Variants in TOGARAM1 observed in about 807,000 individuals in gnomAD.
TOGARAM1 encodes the protein TOG array regulator of axonemal microtubules 1.
In TOGARAM1, 100 loss-of-function variants were observed where a neutral mutation model predicts 166.6. That is an observed-to-expected ratio of 0.60 (90% CI 0.51 to 0.71). The LOEUF is 0.71. Among genes scored for constraint, TOGARAM1 ranks in the 30% least tolerant of loss-of-function variants. TOGARAM1 has a pLI of 0.00. For synonymous variants in TOGARAM1, 758 were observed against 763.8 expected (o/e 0.99, Z 0.13); for missense variants, 2,029 against 2,102.7 (o/e 0.96, Z 0.69).
intron 1 of TOGARAM1, among the ~76,000 whole-genome samples, chr14:44,985,915 C>T (rs1276661507): frequency 2.0e-5 from 3 of 152,032 alleles, no homozygotes; most frequent in African/African-American, 7.2e-5. Flanking sequence ...CAATTTTAGT[C>T]CAAAATCTTA....
chr14:44,994,641 A>G (rs1887330221), intron 1 of TOGARAM1, among the ~76,000 whole-genome samples: 1 of 152,146 alleles, frequency 6.6e-6, no homozygotes, highest in South Asian at 2.1e-4. Flanking sequence ...CTGATCTTGA[A>G]TTCCTGGGCC....
chr14:45,061,163 G>A (rs778132013), intron 16 of TOGARAM1, among the ~76,000 whole-genome samples: 8 of 151,504 alleles, frequency 5.3e-5, no homozygotes, highest in African/African-American at 9.7e-5. Context: ...ATTTATATTC[G>A]TGAAGACTAA....
chr14:44,986,866 C>T (rs898286197), intron 1 of TOGARAM1, among the ~76,000 whole-genome samples: 15 of 150,828 alleles, frequency 9.9e-5, no homozygotes, highest in Middle Eastern at 3.4e-3. Flanking sequence ...ATTAGCCGGG[C>T]GTGGTGGCGG....
intron 1 of TOGARAM1, among the ~76,000 whole-genome samples, chr14:44,982,554 G>A (rs888468019): frequency 2.0e-5 from 3 of 152,160 alleles, no homozygotes; most frequent in Admixed American, 2.0e-4. Context: ...GAGGTCTGTA[G>A]TTTTTTCAAG....
intron 1 of TOGARAM1, among the ~76,000 whole-genome samples, chr14:44,976,042 C>T (rs111464709): frequency 2.6e-5 from 4 of 152,172 alleles, no homozygotes; most frequent in African/African-American, 9.6e-5. Context: ...CCTAGATCAA[C>T]TATACTGATT....
chr14:45,056,942 T>TTTTA lies in TOGARAM1; in HGVS notation c.4559+2413_4559+2416dup, dbSNP rs146332872. 3.9e-3 allele frequency among the ~76,000 whole-genome samples: 592 copies of TTTTA among 151,856 alleles called. 5 individuals carry two copies. Among genetic ancestry groups the TTTTA allele is most frequent in the Non-Finnish European group, 5.8e-3 (397 of 67,978 alleles). On this transcript the variant is annotated intron_variant, in intron 16 of 19. Transcript: ENST00000361462. ...TCAGGATGATTGGTATAAGTTTTTG[T>TTTTA]TTTATTTATTTATTTATTTATTTGT...
At position 44,999,109 on chromosome 14, in the gene TOGARAM1, C is replaced by T. The variant is rs577702249; in HGVS notation, c.2204-254C>T. ...AGAGAAAGAGTGTAGGAAGAAACTG[C>T]TTTTGCAGATATTCTTCAACATACC... On this transcript the variant is annotated intron_variant, in intron 2 of 19. Transcript: ENST00000361462. Among the ~76,000 whole-genome samples, 16 of 152,112 alleles carry T rather than the reference C, an allele frequency of 1.1e-4. No homozygotes were observed. The South Asian group carries it at 2.7e-3, about 26-fold the overall frequency.
At position 45,032,182 on chromosome 14, in the gene TOGARAM1, A is replaced by T. The variant is rs747581283; in HGVS notation, c.3659-41A>T. On this transcript the variant is annotated intron_variant, in intron 10 of 19. Coordinates refer to ENST00000361462, the MANE Select transcript of TOGARAM1 (RefSeq NM_001308120.2). ...CTCAAAAAGATAAAAATTTTTTTTA[A>T]AAAGGTTCTCTCATAGTTTATTTAA... 1.9e-6 allele frequency: 3 copies of T among 1,565,772 alleles called. No individual in the cohort carries two copies. In the South Asian group the frequency reaches 3.6e-5, roughly 19 times the overall value.
chr14:45,027,802 G>A (rs1397181426), intron 9 of TOGARAM1, among the ~76,000 whole-genome samples: 1 of 151,518 alleles, frequency 6.6e-6, no homozygotes, highest in Non-Finnish European at 1.5e-5. Flanking sequence ...TCGGACGGTC[G>A]GACTTGAGCT....
chr14:45,024,039 C>G (rs1191620231), intron 7 of TOGARAM1, among the ~76,000 whole-genome samples: 1 of 152,232 alleles, frequency 6.6e-6, no homozygotes, highest in Non-Finnish European at 1.5e-5. Context: ...CCATGCCTGG[C>G]CCCATAGCAT....
intron 11 of TOGARAM1, among the ~76,000 whole-genome samples, chr14:45,038,649 G>T (rs1237580174): frequency 1.3e-5 from 2 of 152,234 alleles, no homozygotes; most frequent in African/African-American, 2.4e-5. Flanking sequence ...TGCTTGGGAA[G>T]CTCCTAAGTC....
chr14:44,975,113 C>T (rs756143926), intron 1 of TOGARAM1, among the ~76,000 whole-genome samples: 1 of 152,068 alleles, frequency 6.6e-6, no homozygotes, highest in Non-Finnish European at 1.5e-5. Context: ...AATAATTTTG[C>T]TCCAAATTGC....
intron 7 of TOGARAM1, chr14:45,025,563 CAA>C (rs1413248103): frequency 0.031 from 6,899 of 224,132 alleles, no homozygotes; most frequent in South Asian, 0.049. Flanking sequence ...GACTCCATCT[CAA>C]AAAAAAAAAA....
Position 44,962,920 on chromosome 14 carries a change from G to A in TOGARAM1, c.499G>A (p.Gly167Arg). The A allele has an allele frequency of 6.2e-7, 1 of 1,614,214 alleles. No homozygotes were observed. The highest frequency in any genetic ancestry group is 8.5e-7 in the Non-Finnish European group (1 of 1,180,040). ...QLLSDVLRGQGEAGQLEEAFS... is the reference protein window; with the variant it reads ...QLLSDVLRGQREAGQLEEAFS... ...TCTCTCGGACGTTCTCCGGGGTCAG[G>A]GGGAGGCAGGCCAGCTTGAAGAGGC... Residue 167 changes from glycine (G) to arginine (R), a missense_variant, in exon 1 of 20, where the codon GGG becomes AGG. By Grantham distance (125) the Gly-to-Arg change is moderately radical (BLOSUM62 -2). Transcript: ENST00000361462.
chr14:45,046,581 G>A lies in TOGARAM1; in HGVS notation c.4191G>A (p.Gln1397=), dbSNP rs1882078138. ...TTGCTGTAAGAAGGTGTACAGCCCA[G>A]CATTTATCAGATGTATTGGAATTTA... ...LHIAVRRCTA[Q]HLSDVLEFME... is the part of the protein sequence containing the mutation. Residue 1397 remains glutamine (Q), a synonymous_variant, in exon 14 of 20, where the codon CAG becomes CAA. Coordinates refer to ENST00000361462, the MANE Select transcript of TOGARAM1 (RefSeq NM_001308120.2). 2 of 1,387,812 alleles carry A rather than the reference G, an allele frequency of 1.4e-6. No individual in the cohort carries two copies. Among genetic ancestry groups the A allele is most frequent in the Non-Finnish European group, 1.9e-6 (2 of 1,064,002 alleles). 86.0% of individuals were successfully genotyped at this position (1,387,812 alleles called of 1,614,324 possible). A position where few individuals can be genotyped will look rare whatever the true frequency, so the allele number is the denominator to read the frequency against.
chr14:45,052,349 T>C (rs968042130), intron 14 of TOGARAM1, 87 bp from the exon 15 acceptor site: 3 of 1,120,602 alleles, frequency 2.7e-6, no homozygotes, highest in African/African-American at 1.5e-5. Flanking sequence ...TAGGTGTTTT[T>C]TTTCTATTGA....
At chr14:45,045,646 T>TAC (rs1406408466) in intron 13 of TOGARAM1, among the ~76,000 whole-genome samples, 1 of 121,000 alleles carries the variant, frequency 8.3e-6, no homozygotes, top group Non-Finnish European at 1.7e-5. Flanking sequence ...TACATATATA[T>TAC]ACATATATAC....
At chr14:45,055,575 C>T (rs373873972) in intron 16 of TOGARAM1, among the ~76,000 whole-genome samples, 3 of 152,030 alleles carry the variant, frequency 2.0e-5, no homozygotes, top group Admixed American at 6.6e-5. Context: ...GATGCTGAGG[C>T]GGGTGGATCA....
chr14:45,045,605 G>A lies in TOGARAM1; in HGVS notation c.4154+735G>A, dbSNP rs865823264. Among the ~76,000 whole-genome samples the A allele has an allele frequency of 2.0e-3, 164 of 81,746 alleles. 5 individuals carry two copies. Among genetic ancestry groups the A allele is most frequent in the African/African-American group, 9.2e-3 (154 of 16,754 alleles). The allele number at this position is 81,746 out of a possible 152,430, so 53.6% of individuals were successfully genotyped here. ...TATATGTGTGTGTGTGTGTGTGTGT[G>A]TGTGTGTGTGTGTATATATATGTAT... is the stretch of plus-strand genomic sequence containing the variant. On this transcript the variant is annotated intron_variant, in intron 13 of 19. Coordinates refer to ENST00000361462, the MANE Select transcript of TOGARAM1 (RefSeq NM_001308120.2).
Sources: allele counts gnomAD v4.1 joint callset (sites outside exome capture counted in the v4.1 genomes callset), GRCh38; gene constraint gnomAD v4.1.1; transcripts MANE v1.5; gene names NCBI Gene and HGNC (gene_info 2026-07-23, HGNC 2026-07-21).